The following RYR3 variants were observed in gnomAD, a reference collection of about 807,000 sequenced individuals.
RYR3 encodes the protein ryanodine receptor 3, also known as brain ryanodine receptor-calcium release channel.
RYR3 carries 207 observed loss-of-function variants against 584.3 expected under a neutral mutation model. The observed-to-expected ratio is 0.35, with a 90% CI of 0.32 to 0.40. The LOEUF is 0.40. Among genes scored for constraint, RYR3 ranks in the 10% least tolerant of loss-of-function variants. The pLI is 1.00. For synonymous variants in RYR3, 2,416 were observed against 2,248.5 expected (o/e 1.07, Z -2.11); for missense variants, 5,616 against 6,089.2 (o/e 0.92, Z 2.59).
At chr15:33,493,141 C>A (rs563975895) in intron 2 of RYR3, among the ~76,000 whole-genome samples, 31 of 112,152 alleles carry the variant, frequency 2.8e-4, no homozygotes, top group Admixed American at 8.9e-4. Flanking sequence ...CTCCCCTCTC[C>A]CCTCAATCTT....
Position 33,636,439 on chromosome 15 carries a change from G to A in RYR3, c.3445G>A (p.Gly1149Arg), listed in dbSNP as rs367765217. The change falls in exon 27 of 104, where the codon GGA becomes AGA. Residue 1149 changes from glycine to arginine, a missense_variant. Physicochemically the swap from Gly to Arg is moderately radical, Grantham distance 125. Coordinates refer to ENST00000634891, the MANE Select transcript of RYR3 (RefSeq NM_001036.6). ...GRTWQPGDVVGCMINLDDASM... is the reference protein window; with the variant it reads ...GRTWQPGDVVRCMINLDDASM... ...TACCTGGCAGCCAGGGGATGTGGTC[G>A]GATGTATGATTAACCTGGATGATGC... is the stretch of plus-strand genomic sequence containing the variant. 3.7e-6 allele frequency: 6 copies of A among 1,613,780 alleles called. No homozygotes were observed. Among genetic ancestry groups the A allele is most frequent in the Non-Finnish European group, 5.1e-6 (6 of 1,179,770 alleles).
chr15:33,861,062 CTGT>C lies in RYR3; in HGVS notation c.14365-14_14365-12del. 1 of 1,550,466 alleles carries C rather than the reference CTGT, an allele frequency of 6.4e-7. No individual in the cohort carries two copies. The highest frequency in any genetic ancestry group is 8.8e-7 in the Non-Finnish European group (1 of 1,138,766). On this transcript the variant is annotated splice_polypyrimidine_tract_variant and intron_variant, in intron 101 of 103. Coordinates refer to ENST00000634891, the MANE Select transcript of RYR3 (RefSeq NM_001036.6). The stretch of plus-strand genomic sequence containing the variant: ...TTATGCCAACAAATGCCTTTTCTGC[CTGT>C]TATTTTTCTTAGACTAAATGTTTCA...
At chr15:33,637,447 A>T (rs920136757) in intron 27 of RYR3, among the ~76,000 whole-genome samples, 1 of 152,224 alleles carries the variant, frequency 6.6e-6, no homozygotes, top group Non-Finnish European at 1.5e-5. Flanking sequence ...ACGGACGAGA[A>T]GGGGGCTGTG....
chr15:33,342,975 T>C (rs542307596), intron 1 of RYR3, among the ~76,000 whole-genome samples: 43 of 152,328 alleles, frequency 2.8e-4, no homozygotes, highest in African/African-American at 1.0e-3. Context: ...AACTCGATTG[T>C]TTTAAATGTT....
chr15:33,740,728 A>C (rs2070004339), intron 51 of RYR3, among the ~76,000 whole-genome samples: 1 of 152,232 alleles, frequency 6.6e-6, no homozygotes, highest in Non-Finnish European at 1.5e-5. Flanking sequence ...GTGAGCAGGG[A>C]AAGTAAGCCT....
At chr15:33,537,925 T>C (rs920609864) in intron 5 of RYR3, among the ~76,000 whole-genome samples, 15 of 152,130 alleles carry the variant, frequency 9.9e-5, no homozygotes, top group African/African-American at 3.6e-4. Flanking sequence ...AATTCTGTTT[T>C]TTGTCTTCCT....
In RYR3 at chr15:33,670,418, G is replaced by C; in HGVS notation, c.5723-1G>C. 1 of 1,613,322 alleles carries C rather than the reference G, an allele frequency of 6.2e-7. No homozygotes were observed. ...TTTCACCCTGTTCTGTGGCTTGCTAGGGGTTCCTTTGGAAGAAGAGGAAGA... is the reference window on the plus strand; with the variant it reads ...TTTCACCCTGTTCTGTGGCTTGCTACGGGTTCCTTTGGAAGAAGAGGAAGA... On this transcript the variant is annotated splice_acceptor_variant, in intron 37 of 103. Coordinates refer to ENST00000634891, the MANE Select transcript of RYR3 (RefSeq NM_001036.6). LOFTEE classifies it high-confidence loss of function.
chr15:33,838,666 C>T lies in RYR3; in HGVS notation c.12686C>T (p.Thr4229Ile), dbSNP rs751763127. Residue 4229 changes from threonine (T) to isoleucine (I), a missense_variant, in exon 89 of 104, where the codon ACC (threonine) becomes ATC (isoleucine). Physicochemically the swap from Thr to Ile is moderately conservative, Grantham distance 89. Coordinates refer to ENST00000634891, the MANE Select transcript of RYR3 (RefSeq NM_001036.6). ...LVEGAKNIRVTKILGDMPDPT... is the reference protein window; with the variant it reads ...LVEGAKNIRVIKILGDMPDPT... ...GAAGGGGCAAAGAACATCAGAGTGACCAAGATCCTGGGTGACATGCCTGAC... is the reference window on the plus strand; with the variant it reads ...GAAGGGGCAAAGAACATCAGAGTGATCAAGATCCTGGGTGACATGCCTGAC... 1.9e-6 allele frequency: 3 copies of T among 1,613,916 alleles called. No homozygotes were observed. In the Admixed American group the frequency reaches 5.0e-5, roughly 27 times the overall value.
intron 1 of RYR3, among the ~76,000 whole-genome samples, chr15:33,344,953 A>G (rs185166782): frequency 2.0e-5 from 3 of 152,314 alleles, no homozygotes; most frequent in East Asian, 1.9e-4. Flanking sequence ...CACTTTCCCA[A>G]TTCTCCCACA....
At chr15:33,574,077 T>C (rs682639) in intron 12 of RYR3, among the ~76,000 whole-genome samples, 123,487 of 152,080 alleles carry the variant, frequency 0.81, 50,532 homozygotes, top group Middle Eastern at 0.94. Flanking sequence ...CCAGGTGCTA[T>C]ATGGAAGCAT....
At position 33,652,805 on chromosome 15, in the gene RYR3, G is replaced by T; in HGVS notation, c.4230G>T (p.Glu1410Asp). ...QRSNRSNVDL[E>D]IGCLVDLAMG... ...CAAATCGGAGCAACGTGGACCTGGA[G>T]ATCGGCTGTCTCGTGGATCTGGCCA... The change falls in exon 32 of 104, where the codon GAG (glutamate) becomes GAT (aspartate). Residue 1410 changes from glutamate to aspartate, a missense_variant. Glu to Asp is a conservative substitution (Grantham distance 45, BLOSUM62 2). This residue lies in a region of RYR3 where 753 missense variants were observed against 741.0 expected (regional missense o/e 1.02). Coordinates refer to ENST00000634891, the MANE Select transcript of RYR3 (RefSeq NM_001036.6). 1 of 1,613,960 alleles carries T rather than the reference G, an allele frequency of 6.2e-7. No individual in the cohort carries two copies. The highest frequency in any genetic ancestry group is 8.5e-7 in the Non-Finnish European group (1 of 1,179,868).
At chr15:33,845,347 G>A (rs778311568) in intron 93 of RYR3, among the ~76,000 whole-genome samples, 1 of 152,170 alleles carries the variant, frequency 6.6e-6, no homozygotes, top group East Asian at 1.9e-4. Context: ...CCGCCTCCCA[G>A]GTTCAAGCAA....
intron 1 of RYR3, among the ~76,000 whole-genome samples, chr15:33,413,614 G>A (rs1295435808): frequency 6.6e-6 from 1 of 152,200 alleles, no homozygotes; most frequent in African/African-American, 2.4e-5. Context: ...TCTAGGACTG[G>A]TCAAAATTGC....
intron 103 of RYR3, chr15:33,864,905 G>A: frequency 2.0e-6 from 1 of 498,062 alleles, no homozygotes; most frequent in Non-Finnish European, 3.6e-6. Flanking sequence ...CTTGTTTGGG[G>A]CAGAGGGGGA....
chr15:33,608,963 G>A (rs930477131), intron 18 of RYR3, among the ~76,000 whole-genome samples: 1 of 152,218 alleles, frequency 6.6e-6, no homozygotes, highest in African/African-American at 2.4e-5. Flanking sequence ...TCAGAGCTCA[G>A]CTCCTGTTGG....
intron 15 of RYR3, 100 bp downstream of exon 15, chr15:33,584,590 A>G: frequency 1.6e-6 from 1 of 609,892 alleles, no homozygotes; most frequent in Non-Finnish European, 2.9e-6. Flanking sequence ...AATGGATTGC[A>G]AACAATCCTC....
rs1193144612 is a variant in RYR3 at position 33,838,565 on chromosome 15, A to G, written c.12585A>G (p.Leu4195=). 6.2e-7 allele frequency: 1 copy of G among 1,613,818 alleles called. No individual in the cohort carries two copies. Among genetic ancestry groups the G allele is most frequent in the African/African-American group, 1.3e-5 (1 of 74,922 alleles). Residue 4195 remains leucine (L), a synonymous_variant, in exon 89 of 104, where the codon CTA becomes CTG. Transcript: ENST00000634891. ...TTTTCTGGATGCTGTTCGTGGGGCT[A>G]TTCCAGTTGCTCTTCACCATCCTGG... is the stretch of plus-strand genomic sequence containing the variant. The part of the protein sequence containing the change: ...FSFFWMLFVG[L]FQLLFTILGG...
At chr15:33,677,195 G>A (rs534884711) in intron 38 of RYR3, among the ~76,000 whole-genome samples, 9 of 152,304 alleles carry the variant, frequency 5.9e-5, no homozygotes, top group Admixed American at 1.3e-4. Context: ...CCAGAGCACC[G>A]GGCAGGGATG....
intron 55 of RYR3, among the ~76,000 whole-genome samples, chr15:33,749,071 A>C (rs34836946): frequency 6.6e-6 from 1 of 152,274 alleles, no homozygotes; most frequent in African/African-American, 2.4e-5. Context: ...TTCAAGCTAC[A>C]ATTGGTTGAA....
Sources: allele counts gnomAD v4.1 joint callset (sites outside exome capture counted in the v4.1 genomes callset), GRCh38; gene constraint gnomAD v4.1.1; regional missense constraint gnomAD v4.1.1; transcripts MANE v1.5; gene names NCBI Gene and HGNC (gene_info 2026-07-23, HGNC 2026-07-21).